The following MTOR variants were observed in gnomAD, a reference collection of about 807,000 sequenced individuals.
MTOR encodes mechanistic target of rapamycin kinase.
Under a neutral mutation model 319.8 loss-of-function variants are expected in MTOR, and 70 were observed. The ratio of observed to expected loss-of-function variants is 0.22; its 90% confidence interval spans 0.18 to 0.27. MTOR has a LOEUF of 0.27. Ranked by LOEUF, MTOR falls within the 10% of genes least tolerant of loss-of-function variation. The pLI is 1.00. For missense variants in MTOR, 1,890 were observed against 3,274.4 expected (o/e 0.58, Z 10.32); for synonymous variants, 1,183 against 1,211.4 (o/e 0.98, Z 0.49).
At chr1:11,219,704 T>G (rs1205851845) in intron 19 of MTOR, among the ~76,000 whole-genome samples, 1 of 151,544 alleles carries the variant, frequency 6.6e-6, no homozygotes, top group Non-Finnish European at 1.5e-5. Flanking sequence ...GACAGAAAAT[T>G]TAGTCTGTTT....
intron 30 of MTOR, among the ~76,000 whole-genome samples, chr1:11,154,693 A>T (rs376550379): frequency 1.2e-4 from 18 of 152,214 alleles, no homozygotes; most frequent in African/African-American, 2.2e-4. Flanking sequence ...AAAATAATTT[A>T]AAAAAATTAG....
intron 2 of MTOR, 135 bp downstream of exon 2, chr1:11,259,113 G>A (rs1650789283): frequency 1.9e-6 from 2 of 1,057,204 alleles, no homozygotes; most frequent in East Asian, 2.8e-5. Flanking sequence ...TTATGGATGT[G>A]ACAGGTTGGG....
At chr1:11,126,139 C>G (rs190924508) in intron 46 of MTOR, among the ~76,000 whole-genome samples, 2 of 151,804 alleles carry the variant, frequency 1.3e-5, no homozygotes, top group African/African-American at 4.8e-5. Flanking sequence ...CACTCTACCC[C>G]AAGGGAAATT....
chr1:11,194,741 G>A (rs2100726620), intron 28 of MTOR: 1 of 1,601,720 alleles, frequency 6.2e-7, no homozygotes, highest in South Asian at 1.1e-5. Flanking sequence ...AATTATAACT[G>A]TACAGTTGAT....
chr1:11,188,860 T>C (rs1286433178), intron 28 of MTOR, among the ~76,000 whole-genome samples: 1 of 152,182 alleles, frequency 6.6e-6, no homozygotes, highest in Non-Finnish European at 1.5e-5. Flanking sequence ...AAATACTAAA[T>C]AATGATCAGA....
intron 20 of MTOR, among the ~76,000 whole-genome samples, chr1:11,214,480 G>GCCGGGCGCGGTGGCTCACGCCTGTA: frequency 1.3e-5 from 2 of 152,258 alleles, no homozygotes; most frequent in African/African-American, 2.4e-5. Context: ...AAAAGTTCTG[G>GCCGGGCGCGGTGGCTCACGCCTGTA]AGTAGGAAAT....
At position 11,144,949 on chromosome 1, in the gene MTOR, C is replaced by A. The variant is rs1363867840; in HGVS notation, c.4764+19G>T. On this transcript the variant is annotated intron_variant, in intron 33 of 57. Transcript: ENST00000361445. ...AATAAGCCTCAAAAATGACAATGTG[C>A]AGAATAGTTGACACTTACCCCATAT... is the stretch of plus-strand genomic sequence containing the variant. The A allele has an allele frequency of 2.5e-6, 4 of 1,611,986 alleles. No homozygotes were observed. In the Admixed American group the frequency reaches 5.0e-5, roughly 20 times the overall value.
At chr1:11,252,261 GT>G (rs1344468271) in intron 6 of MTOR, among the ~76,000 whole-genome samples, 4 of 151,218 alleles carry the variant, frequency 2.6e-5, no homozygotes, top group African/African-American at 9.8e-5. Flanking sequence ...TCTTTAAATT[GT>G]TTGTTTTTTC....
At position 11,247,923 on chromosome 1, in the gene MTOR, A is replaced by G. The variant is rs761594312; in HGVS notation, c.1012T>C (p.Ser338Pro). ...CCAAATCCCATGAGGCCTTGGTGAG[A>G]GCTGTACCCCAGCAGCCCCACCAAG... is the stretch of plus-strand genomic sequence containing the variant. The part of the protein sequence containing the change: ...NALVGLLGYS[S>P]HQGLMGFGTS... The change falls in exon 7 of 58, where the codon TCT becomes CCT. Residue 338 changes from serine (S) to proline (P), a missense_variant. Coordinates refer to ENST00000361445, the MANE Select transcript of MTOR (RefSeq NM_004958.4). 5.6e-6 allele frequency: 9 copies of G among 1,613,980 alleles called. No individual in the cohort carries two copies. The highest frequency in any genetic ancestry group is 4.5e-5 in the East Asian group (2 of 44,886).
intron 28 of MTOR, among the ~76,000 whole-genome samples, chr1:11,191,378 C>G (rs1443103997): frequency 6.6e-6 from 1 of 152,152 alleles, no homozygotes; most frequent in African/African-American, 2.4e-5. Context: ...CCTCCCTTTC[C>G]CAAGGTGCTC....
chr1:11,111,380 C>T (rs978710460), intron 54 of MTOR: 1 of 258,670 alleles, frequency 3.9e-6, no homozygotes, highest in African/African-American at 2.4e-5. Flanking sequence ...ACTTGGGAGA[C>T]TGAGGCAGGA....
In MTOR at chr1:11,115,645, G is replaced by T; in HGVS notation, c.7017-177C>A. ...ACTGGAACACACAGCACGCTCCCTT[G>T]TTTAAGTACTGTTCCAGGCTGCTTC... On this transcript the variant is annotated intron_variant, in intron 50 of 57. Coordinates refer to ENST00000361445, the MANE Select transcript of MTOR (RefSeq NM_004958.4). The surrounding 1 kb of genome is among the most constrained non-coding windows in gnomAD (Gnocchi z 4.5). 1 of 608,452 alleles carries T rather than the reference G, an allele frequency of 1.6e-6. No homozygotes were observed. The allele number at this position is 608,452 out of a possible 1,614,324, so 37.7% of individuals were successfully genotyped here. A position where few individuals can be genotyped will look rare whatever the true frequency, so the allele number is the denominator to read the frequency against.
rs559495109 is a variant in MTOR, at chr1:11,123,833, C to A, written c.6662+665G>T. ...ATGGAGTTTCACTCTTGTTGCCCAGCCTGGAGTACAATGGTGCAATCTTGG... is the reference window on the plus strand; with the variant it reads ...ATGGAGTTTCACTCTTGTTGCCCAGACTGGAGTACAATGGTGCAATCTTGG... On this transcript the variant is annotated intron_variant, in intron 47 of 57. Coordinates refer to ENST00000361445, the MANE Select transcript of MTOR (RefSeq NM_004958.4). Among the ~76,000 whole-genome samples, 28 of 151,988 alleles carry A rather than the reference C, an allele frequency of 1.8e-4. No homozygotes were observed. In the South Asian group the frequency reaches 3.7e-3, roughly 20 times the overall value.
chr1:11,209,698 T>C (rs1646250412), intron 24 of MTOR, among the ~76,000 whole-genome samples: 1 of 152,152 alleles, frequency 6.6e-6, no homozygotes, highest in African/African-American at 2.4e-5. Flanking sequence ...CAAGCAACCA[T>C]GCAACTAGCA....
At chr1:11,123,096 A>G (rs1642628500) in intron 47 of MTOR, among the ~76,000 whole-genome samples, 2 of 151,994 alleles carry the variant, frequency 1.3e-5, no homozygotes, top group South Asian at 4.2e-4. Context: ...GACCCATCCC[A>G]TCTGTAGACT....
chr1:11,254,262 CCT>C (rs944112566), intron 5 of MTOR, among the ~76,000 whole-genome samples: 1 of 152,092 alleles, frequency 6.6e-6, no homozygotes, highest in African/African-American at 2.4e-5. Context: ...GCCTCAGCCC[CCT>C]GAGTAGCTGA....
intron 1 of MTOR, among the ~76,000 whole-genome samples, chr1:11,259,649 C>A (rs894640729): frequency 6.6e-6 from 1 of 152,106 alleles, no homozygotes; most frequent in Non-Finnish European, 1.5e-5. Flanking sequence ...TGTGGGCTAT[C>A]GGCCTAGCCT....
intron 13 of MTOR, among the ~76,000 whole-genome samples, chr1:11,235,612 TAAA>T (rs1218341466): frequency 6.6e-6 from 1 of 152,154 alleles, no homozygotes; most frequent in Non-Finnish European, 1.5e-5. Context: ...ATTCAGTACA[TAAA>T]TTCATTCAAA....
At chr1:11,224,982 T>C (rs1240973846) in intron 19 of MTOR, among the ~76,000 whole-genome samples, 1 of 152,136 alleles carries the variant, frequency 6.6e-6, no homozygotes, top group African/African-American at 2.4e-5. Flanking sequence ...ACCAATTACA[T>C]GAAATGCCCA....
Sources: gnomAD v4.1 joint callset for allele counts (sites outside exome capture counted in the v4.1 genomes callset) on GRCh38, gnomAD v4.1.1 for gene constraint, Gnocchi (gnomAD v3.1) non-coding constraint, MANE v1.5 for transcripts, NCBI Gene and HGNC (gene_info 2026-07-23, HGNC 2026-07-21) for gene names.